The following CSMD1 variants were observed in gnomAD, a reference collection of about 807,000 sequenced individuals.
CSMD1 encodes CUB and Sushi multiple domains 1.
Under a neutral mutation model 417.5 loss-of-function variants are expected in CSMD1, and 213 were observed. The ratio of observed to expected loss-of-function variants is 0.51; its 90% CI spans 0.46 to 0.57. CSMD1 has a LOEUF of 0.57. CSMD1 is among the 20% of genes least tolerant of loss of function. CSMD1 has a pLI of 0.00. For synonymous variants in CSMD1, 2,862 were observed against 1,736.8 expected (o/e 1.65, Z -16.11); for missense variants, 6,923 against 4,529.7 (o/e 1.53, Z -15.17).
intron 5 of CSMD1, among the ~76,000 whole-genome samples, chr8:3,930,569 A>G (rs1000894135): frequency 3.3e-5 from 5 of 150,368 alleles, no homozygotes; most frequent in Non-Finnish European, 7.4e-5. Flanking sequence ...CAAATACAGA[A>G]TCTGAGGTCC....
At chr8:4,765,189 T>A (rs1000769377) in intron 1 of CSMD1, among the ~76,000 whole-genome samples, 1 of 152,160 alleles carries the variant, frequency 6.6e-6, no homozygotes, top group Non-Finnish European at 1.5e-5. Flanking sequence ...AGAAACTGTG[T>A]TCTTCCGTCT....
At chr8:3,501,403 TTG>T in intron 10 of CSMD1, among the ~76,000 whole-genome samples, 1 of 152,354 alleles carries the variant, frequency 6.6e-6, no homozygotes, top group East Asian at 1.9e-4. Flanking sequence ...AATAACATGT[TTG>T]TGTCAGAAAC....
chr8:3,658,770 G>C (rs982604533), intron 7 of CSMD1, among the ~76,000 whole-genome samples: 4 of 152,068 alleles, frequency 2.6e-5, no homozygotes, highest in Non-Finnish European at 4.4e-5. Context: ...GTGACAAAGA[G>C]AGACTCCACC....
intron 37 of CSMD1, among the ~76,000 whole-genome samples, chr8:3,171,037 G>C (rs1054440592): frequency 2.0e-5 from 3 of 152,174 alleles, no homozygotes; most frequent in Admixed American, 2.0e-4. Context: ...TCTGAGCATG[G>C]TGTTGTGTTG....
rs116866271 is a variant in CSMD1 at position 3,531,350 on chromosome 8, G to A, written c.1345-37624C>T. 1.3e-4 allele frequency among the ~76,000 whole-genome samples: 20 copies of A among 152,092 alleles called. No homozygotes were observed. The East Asian group carries it at 1.4e-3, about 10-fold the overall frequency. On this transcript the variant is annotated intron_variant, in intron 10 of 69. Coordinates refer to ENST00000635120, the MANE Select transcript of CSMD1 (RefSeq NM_033225.6). ...CTAAAATCTTTTTTAGCCCCTATCC[G>A]ACTTATGCGGCATTTGCTCAGATGT...
chr8:4,218,648 T>G (rs765115264), intron 3 of CSMD1, among the ~76,000 whole-genome samples: 1 of 152,190 alleles, frequency 6.6e-6, no homozygotes, highest in African/African-American at 2.4e-5. Context: ...GTGATTTCAG[T>G]ATTAGTGGGA....
At position 4,749,725 on chromosome 8, in the gene CSMD1, T is replaced by C. The variant is rs567662375; in HGVS notation, c.86-112167A>G. Among the ~76,000 whole-genome samples the C allele has an allele frequency of 2.2e-3, 333 of 152,312 alleles. 6 individuals carry two copies. The South Asian group carries it at 0.038, about 18-fold the overall frequency. On this transcript the variant is annotated intron_variant, in intron 1 of 69. Coordinates refer to ENST00000635120, the MANE Select transcript of CSMD1 (RefSeq NM_033225.6). ...CTTAAGAAATTCATTGCAATAATTT[T>C]AATAATTACATATTTCATAAATAAT...
At chr8:3,030,236 A>G (rs1250392571) in intron 50 of CSMD1, among the ~76,000 whole-genome samples, 1 of 152,092 alleles carries the variant, frequency 6.6e-6, no homozygotes, top group Non-Finnish European at 1.5e-5. Flanking sequence ...GAAAATATAT[A>G]CAGAGTCTGA....
At chr8:3,601,015 A>G (rs1359257011) in intron 8 of CSMD1, among the ~76,000 whole-genome samples, 1 of 152,200 alleles carries the variant, frequency 6.6e-6, no homozygotes, top group African/African-American at 2.4e-5. Flanking sequence ...ATGTGCAAGA[A>G]TCAGCTATGA....
At chr8:4,086,178 A>T (rs1800409229) in intron 3 of CSMD1, among the ~76,000 whole-genome samples, 1 of 152,160 alleles carries the variant, frequency 6.6e-6, no homozygotes, top group East Asian at 1.9e-4. Context: ...TAAGTAATTT[A>T]CTCAATAATA....
At chr8:3,632,974 A>G (rs919574321) in intron 7 of CSMD1, among the ~76,000 whole-genome samples, 1 of 152,244 alleles carries the variant, frequency 6.6e-6, no homozygotes, top group African/African-American at 2.4e-5. Context: ...TAACACTTTG[A>G]AAAGTGGGTG....
intron 3 of CSMD1, among the ~76,000 whole-genome samples, chr8:4,096,098 G>A (rs1490374467): frequency 6.6e-6 from 1 of 152,086 alleles, no homozygotes; most frequent in Non-Finnish European, 1.5e-5. Context: ...TCACAAGACT[G>A]TTGTTGGATG....
intron 5 of CSMD1, among the ~76,000 whole-genome samples, chr8:3,961,078 C>T (rs1812292822): frequency 6.6e-6 from 1 of 151,918 alleles, no homozygotes; most frequent in Non-Finnish European, 1.5e-5. Context: ...TGAACATGAA[C>T]AAACTCAAAG....
intron 3 of CSMD1, among the ~76,000 whole-genome samples, chr8:4,149,791 G>C (rs780857459): frequency 1.3e-5 from 2 of 152,160 alleles, no homozygotes; most frequent in South Asian, 2.1e-4. Context: ...CTTCAGGGAA[G>C]GTCACTTGAG....
chr8:3,499,523 C>A (rs891732345), intron 10 of CSMD1, among the ~76,000 whole-genome samples: 1 of 152,024 alleles, frequency 6.6e-6, no homozygotes. Flanking sequence ...TCACTGCTGG[C>A]AGCAGTACCC....
intron 10 of CSMD1, among the ~76,000 whole-genome samples, chr8:3,573,945 A>G (rs940879018): frequency 2.6e-5 from 4 of 152,112 alleles, no homozygotes; most frequent in African/African-American, 9.7e-5. Context: ...ACTGGCAAGC[A>G]TCTATATTGA....
chr8:3,517,399 C>T (rs892548576), intron 10 of CSMD1, among the ~76,000 whole-genome samples: 19 of 152,042 alleles, frequency 1.2e-4, no homozygotes, highest in African/African-American at 4.6e-4. Flanking sequence ...ATAAACAATC[C>T]TTAGTATCCA....
At chr8:3,203,818 C>A (rs771900229) in intron 31 of CSMD1, among the ~76,000 whole-genome samples, 2 of 152,138 alleles carry the variant, frequency 1.3e-5, no homozygotes, top group Non-Finnish European at 2.9e-5. Flanking sequence ...TATCTGAAGA[C>A]CTGTCTTATT....
At chr8:3,975,651 T>A (rs796249417) in intron 5 of CSMD1, among the ~76,000 whole-genome samples, 1 of 152,132 alleles carries the variant, frequency 6.6e-6, no homozygotes, top group Non-Finnish European at 1.5e-5. Flanking sequence ...CAGCAGTGCT[T>A]AATGGTCCCG....
Sources: allele counts gnomAD v4.1 joint callset (sites outside exome capture counted in the v4.1 genomes callset), GRCh38; gene constraint gnomAD v4.1.1; transcripts MANE v1.5; gene names NCBI Gene and HGNC (gene_info 2026-07-23, HGNC 2026-07-21).